ITGA8: variants seen among roughly 807,000 people sequenced by gnomAD.
ITGA8 encodes the protein integrin subunit alpha 8.
ITGA8 carries 91 observed loss-of-function variants against 142.3 expected under a neutral mutation model. That is an observed-to-expected ratio of 0.64 (90% CI 0.54 to 0.76). The LOEUF (loss-of-function observed/expected upper bound fraction) is 0.76. ITGA8 is among the 30% of genes least tolerant of loss of function. The pLI is 0.00. For synonymous variants in ITGA8, 505 were observed against 485.2 expected (o/e 1.04, Z -0.54); for missense variants, 1,406 against 1,327.7 (o/e 1.06, Z -0.92).
intron 2 of ITGA8, among the ~76,000 whole-genome samples, chr10:15,699,543 A>G (rs895133518): frequency 6.6e-6 from 1 of 152,220 alleles, no homozygotes; most frequent in Non-Finnish European, 1.5e-5. Flanking sequence ...CCGATTGAGT[A>G]ATAGTCTACA....
intron 15 of ITGA8, among the ~76,000 whole-genome samples, chr10:15,612,338 G>A (rs1170562172): frequency 6.6e-6 from 1 of 152,096 alleles, no homozygotes; most frequent in Non-Finnish European, 1.5e-5. Flanking sequence ...GTTAAAATTG[G>A]CTGGAAATAA....
chr10:15,646,546 T>A (rs1470437181), intron 12 of ITGA8, among the ~76,000 whole-genome samples: 3 of 152,184 alleles, frequency 2.0e-5, no homozygotes, highest in Non-Finnish European at 2.9e-5. Context: ...AGGAGATCAA[T>A]TATACTAAAT....
chr10:15,641,938 G>A lies in ITGA8; in HGVS notation c.1399+2092C>T, dbSNP rs371807425. ...AGGTCAAGAGATTGAGACCATCTTG[G>A]CCAACATGGTAAAACCCCATCTCTA... On this transcript the variant is annotated intron_variant, in intron 13 of 29. Transcript: ENST00000378076. Among the ~76,000 whole-genome samples the A allele has an allele frequency of 2.6e-5, 4 of 152,196 alleles. No homozygotes were observed. In the South Asian group the frequency reaches 6.2e-4, roughly 24 times the overall value.
chr10:15,686,678 A>G (rs1429704716), intron 3 of ITGA8, among the ~76,000 whole-genome samples: 4 of 152,230 alleles, frequency 2.6e-5, no homozygotes, highest in African/African-American at 9.6e-5. Flanking sequence ...CCATATAGGA[A>G]AGAATTTAAA....
chr10:15,582,290 A>G (rs1212294217), intron 23 of ITGA8, among the ~76,000 whole-genome samples: 1 of 152,194 alleles, frequency 6.6e-6, no homozygotes, highest in African/African-American at 2.4e-5. Context: ...CTCACACCAG[A>G]TACAATTAGC....
At chr10:15,619,603 C>T (rs1833452916) in intron 13 of ITGA8, among the ~76,000 whole-genome samples, 1 of 152,168 alleles carries the variant, frequency 6.6e-6, no homozygotes, top group Non-Finnish European at 1.5e-5. Context: ...CTAAGTTTAC[C>T]AGTTTTTAAA....
At chr10:15,644,366 C>G (rs1833928618) in intron 12 of ITGA8, 145 bp from the exon 13 acceptor site, 1 of 559,036 alleles carries the variant, frequency 1.8e-6, no homozygotes, top group African/African-American at 1.9e-5. Flanking sequence ...CTCCCGGACT[C>G]AAGTGATCCT....
Position 15,586,615 on chromosome 10 carries a change from T to C in ITGA8, c.2341A>G (p.Ile781Val), listed in dbSNP as rs144194608. 6.3e-5 allele frequency: 102 copies of C among 1,613,048 alleles called. No homozygotes were observed. In the Middle Eastern group the frequency reaches 1.5e-3, roughly 24 times the overall value. The change falls in exon 23 of 30, where the codon ATC (isoleucine) becomes GTC (valine). Residue 781 changes from isoleucine (I) to valine (V), a missense_variant. Physicochemically the swap from Ile to Val is conservative, Grantham distance 29 (BLOSUM62 3). Transcript: ENST00000378076. ...DSNFVSLQIN[I>V]TAVAQVEIRG... is the part of the protein sequence containing the mutation. ...ATTTCCACCTGCGCTACAGCAGTGA[T>C]GTTGATTTGCAGGCTCACAAAATTG...
Position 15,606,358 on chromosome 10 carries a change from T to TA in ITGA8, c.1828_1829insT (p.Glu610ValfsTer5). ...TTCCAGGCCTTCTTTAAAGGTGGAT[T>TA]CGTCCAAACTGTAATTCAAACTAAT... On this transcript the variant is annotated frameshift_variant, in exon 18 of 30. Transcript: ENST00000378076. LOFTEE classifies it high-confidence loss of function. The TA allele has an allele frequency of 6.2e-7, 1 of 1,612,336 alleles. No individual in the cohort carries two copies. Among genetic ancestry groups the TA allele is most frequent in the Non-Finnish European group, 8.5e-7 (1 of 1,178,526 alleles).
intron 9 of ITGA8, 142 bp from the exon 10 acceptor site, chr10:15,659,197 C>T (rs372961672): frequency 1.1e-4 from 55 of 509,704 alleles, no homozygotes; most frequent in African/African-American, 2.1e-4. Context: ...TGAAAGCCCA[C>T]GGAATGATCT....
intron 13 of ITGA8, among the ~76,000 whole-genome samples, chr10:15,633,566 C>T (rs989288627): frequency 2.6e-5 from 4 of 152,112 alleles, no homozygotes; most frequent in Middle Eastern, 3.4e-3. Flanking sequence ...ATGACAGGTG[C>T]GCACCTCCAC....
intron 4 of ITGA8, among the ~76,000 whole-genome samples, chr10:15,681,088 ACCATGAGAG>A (rs1450531899): frequency 6.6e-6 from 1 of 152,204 alleles, no homozygotes; most frequent in Non-Finnish European, 1.5e-5. Context: ...ATTATGAATG[ACCATGAGAG>A]CCATAGGCAG....
chr10:15,634,668 C>T (rs971335038), intron 13 of ITGA8, among the ~76,000 whole-genome samples: 1 of 152,136 alleles, frequency 6.6e-6, no homozygotes, highest in Non-Finnish European at 1.5e-5. Context: ...ATATAATCAG[C>T]ACATATTCTA....
intron 27 of ITGA8, among the ~76,000 whole-genome samples, chr10:15,543,097 A>C (rs1305391621): frequency 6.6e-6 from 1 of 152,230 alleles, no homozygotes. Flanking sequence ...CTATAGAATC[A>C]GTGAATTTTC....
intron 2 of ITGA8, among the ~76,000 whole-genome samples, chr10:15,716,137 A>G (rs1478053887): frequency 6.6e-6 from 1 of 152,000 alleles, no homozygotes; most frequent in Non-Finnish European, 1.5e-5. Flanking sequence ...TTTCTCACAA[A>G]CTTGTGTAGC....
chr10:15,663,711 C>T lies in ITGA8; in HGVS notation c.848-2789G>A, dbSNP rs927374280. ...AGCCTCCCAGCCTCTTAAGCTGGGACTACAGGTGCATGCCACCATGCCCAG... is the reference window on the plus strand; with the variant it reads ...AGCCTCCCAGCCTCTTAAGCTGGGATTACAGGTGCATGCCACCATGCCCAG... On this transcript the variant is annotated intron_variant, in intron 8 of 29. Coordinates refer to ENST00000378076, the MANE Select transcript of ITGA8 (RefSeq NM_003638.3). Among the ~76,000 whole-genome samples, 6 of 151,960 alleles carry T rather than the reference C, an allele frequency of 3.9e-5. No individual in the cohort carries two copies. In the East Asian group the frequency reaches 1.2e-3, roughly 29 times the overall value.
In ITGA8 at chr10:15,548,517, C is replaced by T. The variant is rs369955410; in HGVS notation, c.2818G>A (p.Glu940Lys). 15 of 1,601,216 alleles carry T rather than the reference C, an allele frequency of 9.4e-6. No individual in the cohort carries two copies. The highest frequency in any genetic ancestry group is 4.1e-5 in the African/African-American group (3 of 73,904). ...LQISCAVGRLEGGESAVLKVR... is the reference protein window; with the variant it reads ...LQISCAVGRLKGGESAVLKVR... ...TTCAGGACTGCGCTTTCTCCTCCTT[C>T]GAGTCGTCCCACTGCACAGGAGATT... The change falls in exon 27 of 30, where the codon GAA becomes AAA. Residue 940 changes from glutamate to lysine, a missense_variant. Coordinates refer to ENST00000378076, the MANE Select transcript of ITGA8 (RefSeq NM_003638.3).
chr10:15,575,554 A>T lies in ITGA8; in HGVS notation c.2413T>A (p.Trp805Arg). The T allele has an allele frequency of 6.2e-7, 1 of 1,614,046 alleles. No individual in the cohort carries two copies. The highest frequency in any genetic ancestry group is 8.5e-7 in the Non-Finnish European group (1 of 1,179,934). ...PPQIVLPIHN[W>R]EPEEEPHKEE... Reference sequence around the variant, plus strand: ...TTGTGGGGCTCCTCTTCTGGTTCCCAGTTATGAATGGGCAGAACAATCTGC... The same window carrying T: ...TTGTGGGGCTCCTCTTCTGGTTCCCTGTTATGAATGGGCAGAACAATCTGC... Residue 805 changes from tryptophan (W) to arginine (R), a missense_variant, in exon 24 of 30, where the codon TGG (tryptophan) becomes AGG (arginine). Physicochemically the swap from Trp to Arg is moderately radical, Grantham distance 101. Transcript: ENST00000378076.
intron 2 of ITGA8, among the ~76,000 whole-genome samples, chr10:15,700,267 A>T (rs1461264312): frequency 1.3e-5 from 2 of 152,274 alleles, no homozygotes; most frequent in African/African-American, 4.8e-5. Flanking sequence ...GCAATAATAA[A>T]ACCTGACTTG....
Sources: allele counts gnomAD v4.1 joint callset (sites outside exome capture counted in the v4.1 genomes callset), GRCh38; gene constraint gnomAD v4.1.1; transcripts MANE v1.5; gene names NCBI Gene and HGNC (gene_info 2026-07-23, HGNC 2026-07-21).